FER1L6: variants seen among roughly 807,000 people sequenced by gnomAD.
The protein encoded by FER1L6 is fer-1-like protein 6.
Under a neutral mutation model 219.2 loss-of-function variants are expected in FER1L6, and 177 were observed. The observed-to-expected ratio is 0.81, with a 90% CI of 0.71 to 0.91. The LOEUF (loss-of-function observed/expected upper bound fraction) is 0.91, where lower values mean the gene tolerates loss of function less well. Ranked by LOEUF, FER1L6 falls within the 40% of genes least tolerant of loss-of-function variation. FER1L6 has a pLI of 0.00. For synonymous variants in FER1L6, 768 were observed against 824.3 expected (o/e 0.93, Z 1.17); for missense variants, 2,153 against 2,259.9 (o/e 0.95, Z 0.96).
intron 1 of FER1L6, among the ~76,000 whole-genome samples, chr8:123,930,177 T>C (rs1813714717): frequency 6.6e-6 from 1 of 152,206 alleles, no homozygotes; most frequent in Admixed American, 6.5e-5. Context: ...GTTTGACTTG[T>C]ACTCATGGAT....
At chr8:124,013,902 T>C (rs1402928401) in intron 15 of FER1L6, among the ~76,000 whole-genome samples, 2 of 152,094 alleles carry the variant, frequency 1.3e-5, no homozygotes, top group Non-Finnish European at 2.9e-5. Context: ...TAAAATACCA[T>C]AGTAGGGCTG....
At chr8:124,043,217 TTAATA>T (rs1819580491) in intron 20 of FER1L6, among the ~76,000 whole-genome samples, 1 of 152,204 alleles carries the variant, frequency 6.6e-6, no homozygotes, top group South Asian at 2.1e-4. Flanking sequence ...TGCCAAGCAC[TTAATA>T]TTCTTGGACA....
chr8:123,977,801 CGGGCATTAGTCTCCTCATAA>C (rs1358227111), intron 10 of FER1L6, among the ~76,000 whole-genome samples, 192 bp downstream of exon 10: 1 of 152,134 alleles, frequency 6.6e-6, no homozygotes, highest in Non-Finnish European at 1.5e-5. Flanking sequence ...TTCAGATCAT[CGGGCATTAGTCTCCTCATAA>C]GGAGCATGCA....
chr8:123,977,757 G>T (rs1816154835), intron 10 of FER1L6, 148 bp downstream of exon 10: 2 of 713,480 alleles, frequency 2.8e-6, no homozygotes, highest in Admixed American at 2.8e-5. Flanking sequence ...CCATGAATGG[G>T]TTGGGGGATG....
rs563749427 is a variant in FER1L6 at position 123,854,949 on chromosome 8, C to T, written c.-8+2764C>T. Among the ~76,000 whole-genome samples, 113 of 152,186 alleles carry T rather than the reference C, an allele frequency of 7.4e-4. 2 individuals are homozygous for T. Among genetic ancestry groups the T allele is most frequent in the Admixed American group, 1.6e-3 (24 of 15,284 alleles). ...ATAACTATTTCAAAGTGTACAGTTC[C>T]GCAGCATTCGGTACATTCACAATGG... On this transcript the variant is annotated intron_variant, in intron 1 of 40. Coordinates refer to ENST00000522917, the MANE Select transcript of FER1L6 (RefSeq NM_001039112.2).
rs373161938 is a variant in FER1L6, at chr8:124,039,904, G to T, written c.2487G>T (p.Arg829Ser). The T allele has an allele frequency of 1.2e-6, 2 of 1,614,082 alleles. No homozygotes were observed. The highest frequency in any genetic ancestry group is 1.1e-5 in the South Asian group (1 of 91,078). The change falls in exon 20 of 41, where the codon AGG (arginine) becomes AGT (serine). Residue 829 changes from arginine to serine, a missense_variant. Transcript: ENST00000522917. ...CAGAACAGCATGTTTTTCAGCTGAG[G>T]GCTCACATGTACCAAGCCCGGGGCC... ...LYQEQHVFQL[R>S]AHMYQARGLI...
In FER1L6 at chr8:123,975,169, GTGGGCCC is replaced by G; in HGVS notation, c.549_555del (p.Trp183CysfsTer16). 1.2e-6 allele frequency: 2 copies of G among 1,607,230 alleles called. No homozygotes were observed. Among genetic ancestry groups the G allele is most frequent in the Non-Finnish European group, 1.7e-6 (2 of 1,177,166 alleles). Reference sequence around the variant, plus strand: ...TCACAGGTCATCAGTTCTGCAACAAGTGGGCCCTGCTCACAGACCCTGGTGACATCAG... The same window carrying G: ...TCACAGGTCATCAGTTCTGCAACAAGTGCTCACAGACCCTGGTGACATCAG... On this transcript the variant is annotated frameshift_variant, in exon 8 of 41. Transcript: ENST00000522917. LOFTEE classifies it high-confidence loss of function.
chr8:124,042,131 G>A (rs983291777), intron 20 of FER1L6, among the ~76,000 whole-genome samples: 4 of 152,178 alleles, frequency 2.6e-5, no homozygotes, highest in Non-Finnish European at 5.9e-5. Context: ...GTGAAGTACA[G>A]GATTTGGACT....
chr8:123,984,412 G>A (rs1816466252), intron 11 of FER1L6: 1 of 152,122 alleles, frequency 6.6e-6, no homozygotes, highest in African/African-American at 2.4e-5. Context: ...TCCTTGTTTT[G>A]TGGTTTTTAT....
At chr8:123,951,648 T>C (rs1479740581) in intron 1 of FER1L6, among the ~76,000 whole-genome samples, 2 of 152,236 alleles carry the variant, frequency 1.3e-5, no homozygotes, top group African/African-American at 4.8e-5. Flanking sequence ...TTGTTTTGTT[T>C]TTAAGCTAGA....
intron 37 of FER1L6, among the ~76,000 whole-genome samples, chr8:124,098,238 G>C (rs889454400): frequency 1.3e-5 from 2 of 152,208 alleles, no homozygotes; most frequent in African/African-American, 4.8e-5. Context: ...AGATTGTGAA[G>C]CTAATGGGAA....
At position 124,060,576 on chromosome 8, in the gene FER1L6, A is replaced by G. The variant is rs1258845027; in HGVS notation, c.3014A>G (p.Lys1005Arg). 6 of 1,613,982 alleles carry G rather than the reference A, an allele frequency of 3.7e-6. No individual in the cohort carries two copies. The highest frequency in any genetic ancestry group is 4.2e-6 in the Non-Finnish European group (5 of 1,179,960). Reference protein sequence around the residue: ...EVLFWGVREMKKVQLLSVDRP... With the variant: ...EVLFWGVREMRKVQLLSVDRP... ...CTCTTCTGGGGAGTTCGGGAAATGA[A>G]GAAGGTGCAGCTCCTCTCTGTGGAT... Residue 1005 changes from lysine to arginine, a missense_variant, in exon 24 of 41, where the codon AAG (lysine) becomes AGG (arginine). By Grantham distance (26) the Lys-to-Arg change is conservative. Transcript: ENST00000522917.
intron 31 of FER1L6, among the ~76,000 whole-genome samples, chr8:124,073,062 T>TC (rs1821144001): frequency 2.6e-5 from 1 of 39,076 alleles, no homozygotes; most frequent in Non-Finnish European, 5.4e-5. Context: ...CATACCTTTT[T>TC]TCCCCTGCAG....
At chr8:124,052,620 A>G (rs957639363) in intron 22 of FER1L6, among the ~76,000 whole-genome samples, 1 of 152,040 alleles carries the variant, frequency 6.6e-6, no homozygotes, top group African/African-American at 2.4e-5. Context: ...CCCTATCCCT[A>G]CTAAAAATAC....
intron 1 of FER1L6, among the ~76,000 whole-genome samples, chr8:123,945,563 A>C (rs562556024): frequency 6.6e-6 from 1 of 152,222 alleles, no homozygotes; most frequent in Non-Finnish European, 1.5e-5. Context: ...TGAAGCAATA[A>C]ATTTCTGGCG....
intron 1 of FER1L6, among the ~76,000 whole-genome samples, chr8:123,941,682 A>G (rs985430708): frequency 6.6e-6 from 1 of 152,238 alleles, no homozygotes; most frequent in African/African-American, 2.4e-5. Flanking sequence ...GAAAAATAAA[A>G]GGAGAAATAA....
At chr8:123,902,134 A>G (rs898617620) in intron 1 of FER1L6, among the ~76,000 whole-genome samples, 1 of 152,112 alleles carries the variant, frequency 6.6e-6, no homozygotes, top group African/African-American at 2.4e-5. Context: ...ACTTTTGGAG[A>G]TGATTTCCAG....
chr8:123,952,074 A>G (rs936069635), intron 1 of FER1L6, among the ~76,000 whole-genome samples: 2 of 151,348 alleles, frequency 1.3e-5, no homozygotes, highest in African/African-American at 4.8e-5. Flanking sequence ...TGGACATGAC[A>G]TTACATTAGC....
Position 123,999,243 on chromosome 8 carries a change from A to G in FER1L6, c.1520-3924A>G, listed in dbSNP as rs1038048984. ...GAGTACTGCCTGGCTACCACTGCTA[A>G]TTATTCAAGGCCCAAAGGCTCTTTA... On this transcript the variant is annotated intron_variant, in intron 12 of 40. Transcript: ENST00000522917. Among the ~76,000 whole-genome samples, 4 of 151,924 alleles carry G rather than the reference A, an allele frequency of 2.6e-5. No homozygotes were observed. In the South Asian group the frequency reaches 8.3e-4, roughly 32 times the overall value.
Sources: gnomAD v4.1 joint callset for allele counts (sites outside exome capture counted in the v4.1 genomes callset) on GRCh38, gnomAD v4.1.1 for gene constraint, MANE v1.5 for transcripts, NCBI Gene and HGNC (gene_info 2026-07-23, HGNC 2026-07-21) for gene names.